Variants in SAMD4A observed in about 807,000 individuals in gnomAD.
SAMD4A encodes the protein protein Smaug homolog 1.
Under a neutral mutation model 81.3 loss-of-function variants are expected in SAMD4A, and 33 were observed. That is an observed-to-expected ratio of 0.41 (90% CI 0.31 to 0.54). The LOEUF is 0.54. Ranked by LOEUF, SAMD4A falls within the 20% of genes least tolerant of loss-of-function variation. SAMD4A has a pLI of 0.37. For synonymous variants in SAMD4A, 389 were observed against 382.1 expected, an observed-to-expected ratio of 1.02 and a Z score of -0.21; for missense variants, 854 against 951.1, an observed-to-expected ratio of 0.90 and a Z score of 1.34.
chr14:54,707,603 G>C (rs1335616420), intron 3 of SAMD4A, among the ~76,000 whole-genome samples: 1 of 152,120 alleles, frequency 6.6e-6, no homozygotes, highest in East Asian at 1.9e-4. Context: ...GAAGATGATA[G>C]GTGATGTGGA....
At chr14:54,635,771 C>T (rs1376804005) in intron 2 of SAMD4A, among the ~76,000 whole-genome samples, 1 of 151,892 alleles carries the variant, frequency 6.6e-6, no homozygotes, top group African/African-American at 2.4e-5. Context: ...AAAAATTAGC[C>T]AATGAATGAG....
intron 2 of SAMD4A, among the ~76,000 whole-genome samples, chr14:54,630,955 T>TGTGAGA (rs1566557252): frequency 7.5e-6 from 1 of 133,776 alleles, no homozygotes; most frequent in African/African-American, 2.8e-5. Context: ...TGTGTGTGTG[T>TGTGAGA]GATGAGAAAT....
chr14:54,654,952 G>A (rs1437486300), intron 2 of SAMD4A, among the ~76,000 whole-genome samples: 1 of 152,226 alleles, frequency 6.6e-6, no homozygotes, highest in Non-Finnish European at 1.5e-5. Context: ...CTCTTAGATA[G>A]TCCATATAGC....
In SAMD4A at chr14:54,568,126, G is replaced by GGCC. The variant is rs1341284454; in HGVS notation, c.196+25_196+27dup. On this transcript the variant is annotated intron_variant, in intron 2 of 12. Coordinates refer to ENST00000554335, the MANE Select transcript of SAMD4A (RefSeq NM_015589.6). Reference sequence around the variant, plus strand: ...CCAACAGCCCCGGTAAGTGTGCGGCGGCCGCCGCCGCCGTCCCGCCTGCCC... The same window carrying GGCC: ...CCAACAGCCCCGGTAAGTGTGCGGCGGCCGCCGCCGCCGCCGTCCCGCCTGCCC... The GGCC allele has an allele frequency of 2.9e-5, 43 of 1,463,186 alleles. No homozygotes were observed. The highest frequency in any genetic ancestry group is 4.9e-5 in the Admixed American group (2 of 40,548). The allele number at this position is 1,463,186 out of a possible 1,614,324, so 90.6% of individuals were successfully genotyped here.
At chr14:54,611,936 T>C (rs2034368675) in intron 2 of SAMD4A, among the ~76,000 whole-genome samples, 1 of 151,764 alleles carries the variant, frequency 6.6e-6, no homozygotes, top group Non-Finnish European at 1.5e-5. Context: ...TTGCTAATGA[T>C]TACCAGAGAT....
intron 2 of SAMD4A, among the ~76,000 whole-genome samples, chr14:54,573,889 G>C (rs1447722865): frequency 2.6e-5 from 4 of 152,186 alleles, no homozygotes; most frequent in Non-Finnish European, 5.9e-5. Flanking sequence ...TTTTATGTAG[G>C]AACATGGGAT....
chr14:54,700,329 G>A (rs1439359144), intron 2 of SAMD4A, among the ~76,000 whole-genome samples: 1 of 152,168 alleles, frequency 6.6e-6, no homozygotes, highest in Non-Finnish European at 1.5e-5. Flanking sequence ...CAAATTAAAT[G>A]GCATGTCTGG....
intron 2 of SAMD4A, among the ~76,000 whole-genome samples, chr14:54,659,882 A>T (rs2035600679): frequency 6.6e-6 from 1 of 152,152 alleles, no homozygotes; most frequent in Admixed American, 6.5e-5. Context: ...ACTGTGGGTC[A>T]TGGGGGCTTG....
At chr14:54,768,807 C>T (rs1183447057) in intron 8 of SAMD4A, among the ~76,000 whole-genome samples, 1 of 152,188 alleles carries the variant, frequency 6.6e-6, no homozygotes, top group Non-Finnish European at 1.5e-5. Flanking sequence ...TGTAAGTCCT[C>T]AATGACGTTT....
intron 2 of SAMD4A, among the ~76,000 whole-genome samples, chr14:54,579,992 A>G (rs1479724639): frequency 1.3e-5 from 2 of 152,246 alleles, no homozygotes; most frequent in African/African-American, 4.8e-5. Context: ...TTAGGAAAAT[A>G]TGTTACAGTT....
At chr14:54,773,127 G>A (rs1347883952) in intron 9 of SAMD4A, among the ~76,000 whole-genome samples, 1 of 152,226 alleles carries the variant, frequency 6.6e-6, no homozygotes, top group Non-Finnish European at 1.5e-5. Flanking sequence ...AAGCCTGGAA[G>A]TAGAAAGGCA....
chr14:54,740,379 G>A (rs372195377), intron 4 of SAMD4A, among the ~76,000 whole-genome samples: 3 of 152,238 alleles, frequency 2.0e-5, no homozygotes, highest in Admixed American at 6.5e-5. Flanking sequence ...ATCGTTAAAC[G>A]TCCAGTTTAG....
chr14:54,758,131 T>C (rs1392040396), intron 6 of SAMD4A, among the ~76,000 whole-genome samples: 1 of 152,154 alleles, frequency 6.6e-6, no homozygotes, highest in African/African-American at 2.4e-5. Context: ...TCCCCTAAAA[T>C]AGGCTGAACA....
intron 3 of SAMD4A, among the ~76,000 whole-genome samples, chr14:54,732,560 TA>T: frequency 6.6e-6 from 1 of 152,300 alleles, no homozygotes; most frequent in Middle Eastern, 3.4e-3. Flanking sequence ...ATGCTTTAAA[TA>T]ATTTTTAAAG....
In SAMD4A at chr14:54,750,889, C is replaced by A. The variant is rs374401734; in HGVS notation, c.1090-562C>A. ...ATAATTGGCTGTTCCACATCTCTCT[C>A]TAAGATACAGGAAGATACGAATACA... On this transcript the variant is annotated intron_variant, in intron 5 of 12. Transcript: ENST00000554335. 1.4e-4 allele frequency among the ~76,000 whole-genome samples: 22 copies of A among 152,308 alleles called. No homozygotes were observed. In the South Asian group the frequency reaches 4.4e-3, roughly 30 times the overall value.
intron 2 of SAMD4A, among the ~76,000 whole-genome samples, chr14:54,653,849 C>T (rs1212269635): frequency 6.6e-6 from 1 of 152,138 alleles, no homozygotes; most frequent in Non-Finnish European, 1.5e-5. Context: ...CTTCCCCTTC[C>T]CACTATGTGG....
chr14:54,604,203 C>T (rs2140236494), intron 2 of SAMD4A, among the ~76,000 whole-genome samples: 1 of 152,314 alleles, frequency 6.6e-6, no homozygotes, highest in South Asian at 2.1e-4. Context: ...GCCATTGGCT[C>T]CTTGCTTGCT....
chr14:54,743,546 C>T (rs144663668), intron 4 of SAMD4A, among the ~76,000 whole-genome samples: 202 of 152,376 alleles, frequency 1.3e-3, no homozygotes, highest in Non-Finnish European at 2.3e-3. Flanking sequence ...TTGATGTGGA[C>T]ACAGCCACTG....
chr14:54,631,527 C>G (rs2034903835), intron 2 of SAMD4A, among the ~76,000 whole-genome samples: 1 of 152,092 alleles, frequency 6.6e-6, no homozygotes. Flanking sequence ...GAAGGTATAA[C>G]AAGACAAAGC....
Sources: allele counts gnomAD v4.1 joint callset (sites outside exome capture counted in the v4.1 genomes callset), GRCh38; gene constraint gnomAD v4.1.1; transcripts MANE v1.5; gene names NCBI Gene and HGNC (gene_info 2026-07-23, HGNC 2026-07-21).